Variants in RGS7 observed in about 807,000 individuals in gnomAD.
RGS7 encodes regulator of G protein signaling 7, also known as regulator of G-protein signaling 7.
A neutral mutation model predicts 81.1 loss-of-function variants in RGS7; 27 were observed. That is an observed-to-expected ratio of 0.33 (90% CI 0.25 to 0.46). The LOEUF (loss-of-function observed/expected upper bound fraction) is 0.46, where lower values mean the gene tolerates loss of function less well. RGS7 is among the 20% of genes least tolerant of loss of function. RGS7 has a pLI of 1.00. For missense variants in RGS7, 396 were observed against 607.4 expected, an observed-to-expected ratio of 0.65 and a Z score of 3.66; for synonymous variants, 208 against 207.7, an observed-to-expected ratio of 1.00 and a Z score of -0.01.
At chr1:241,252,889 T>A (rs192659300) in intron 2 of RGS7, among the ~76,000 whole-genome samples, 31 of 152,296 alleles carry the variant, frequency 2.0e-4, no homozygotes, top group Admixed American at 1.9e-3. Flanking sequence ...ACTGCCCCCC[T>A]TATCCTCGGA....
At chr1:240,969,899 C>T (rs1682927362) in intron 4 of RGS7, among the ~76,000 whole-genome samples, 1 of 152,234 alleles carries the variant, frequency 6.6e-6, no homozygotes, top group African/African-American at 2.4e-5. Flanking sequence ...TCAAATGTAT[C>T]TGGGTTTGAA....
chr1:241,175,068 AATTTTTTGT>A (rs1373680275), intron 2 of RGS7, among the ~76,000 whole-genome samples: 4 of 151,644 alleles, frequency 2.6e-5, no homozygotes, highest in South Asian at 4.2e-4. Context: ...ATGCTTGGCT[AATTTTTTGT>A]ATTTTTTGTA....
At chr1:241,089,063 C>CTCTCTCTCTCTCTCTA (rs1374552672) in intron 3 of RGS7, among the ~76,000 whole-genome samples, 1 of 23,686 alleles carries the variant, frequency 4.2e-5, no homozygotes, top group Non-Finnish European at 7.4e-5. Context: ...CTCTCTCTCT[C>CTCTCTCTCTCTCTCTA]TATATATATA....
intron 18 of RGS7, among the ~76,000 whole-genome samples, chr1:240,795,803 G>T (rs1686956852): frequency 6.6e-6 from 1 of 152,198 alleles, no homozygotes; most frequent in Admixed American, 6.5e-5. Flanking sequence ...TGTTTCAAAA[G>T]AATATTTAAA....
chr1:241,084,741 C>T (rs2493005), intron 3 of RGS7, among the ~76,000 whole-genome samples: 6,718 of 152,190 alleles, frequency 0.044, 480 homozygotes, highest in African/African-American at 0.15. Flanking sequence ...AATGAGACTC[C>T]GTGCCTTAAT....
chr1:240,838,132 C>T (rs139293424), intron 9 of RGS7, among the ~76,000 whole-genome samples: 9 of 152,254 alleles, frequency 5.9e-5, no homozygotes, highest in South Asian at 4.1e-4. Flanking sequence ...TTATTTCTCA[C>T]GGTTCTGGAG....
intron 2 of RGS7, among the ~76,000 whole-genome samples, chr1:241,263,401 G>A (rs10802940): frequency 0.27 from 41,165 of 151,950 alleles, 6,222 homozygotes; most frequent in Non-Finnish European, 0.33. Context: ...TGTAGTGCCC[G>A]GTTAGGAACT....
At chr1:240,876,639 G>GTGA (rs1444647922) in intron 6 of RGS7, among the ~76,000 whole-genome samples, 2 of 152,166 alleles carry the variant, frequency 1.3e-5, no homozygotes, top group Admixed American at 6.5e-5. Context: ...TGGAAAGGAC[G>GTGA]TGAGAGTGAG....
At chr1:241,175,845 G>A (rs1467842756) in intron 2 of RGS7, among the ~76,000 whole-genome samples, 3 of 152,186 alleles carry the variant, frequency 2.0e-5, no homozygotes, top group Admixed American at 1.3e-4. Context: ...ACATCAAGAC[G>A]GAATGTATGG....
intron 2 of RGS7, among the ~76,000 whole-genome samples, chr1:241,227,831 T>C (rs1242115174): frequency 6.6e-6 from 1 of 152,212 alleles, no homozygotes; most frequent in African/African-American, 2.4e-5. Flanking sequence ...GGACTCCTTA[T>C]CATGATTTTA....
At chr1:241,175,088 T>G (rs1379839292) in intron 2 of RGS7, among the ~76,000 whole-genome samples, 1 of 151,542 alleles carries the variant, frequency 6.6e-6, no homozygotes, top group Non-Finnish European at 1.5e-5. Context: ...ATTTTTTGTA[T>G]AGACAGGGTT....
chr1:241,024,402 C>G (rs968175653), intron 3 of RGS7, among the ~76,000 whole-genome samples: 2 of 152,160 alleles, frequency 1.3e-5, no homozygotes, highest in African/African-American at 4.8e-5. Flanking sequence ...TGCTATTTCC[C>G]TGCAGCTGAA....
rs142606015 is a variant in RGS7 at position 240,875,933 on chromosome 1, C to A, written c.386-5814G>T. On this transcript the variant is annotated intron_variant, in intron 6 of 18. Transcript: ENST00000440928. ...CACCAGGGTGATCTAGCTTGCCACT[C>A]TCTAGACTTGGCAAAAGTTTAAAGC... Among the ~76,000 whole-genome samples, 374 of 152,334 alleles carry A rather than the reference C, an allele frequency of 2.5e-3. 4 individuals are homozygous for A. Among genetic ancestry groups the A allele is most frequent in the African/African-American group, 8.3e-3 (345 of 41,584 alleles).
intron 6 of RGS7, among the ~76,000 whole-genome samples, chr1:240,893,573 A>G (rs184479353): frequency 1.4e-3 from 211 of 152,212 alleles, no homozygotes; most frequent in African/African-American, 4.1e-3. Context: ...CCTTATTAGA[A>G]AAATCTTCAT....
At chr1:241,063,790 G>A (rs2061877202) in intron 3 of RGS7, among the ~76,000 whole-genome samples, 1 of 151,876 alleles carries the variant, frequency 6.6e-6, no homozygotes, top group Admixed American at 6.6e-5. Flanking sequence ...ATATTATAAT[G>A]AATGAAATAA....
chr1:240,976,774 C>CATT, intron 4 of RGS7, among the ~76,000 whole-genome samples: 1 of 141,306 alleles, frequency 7.1e-6, no homozygotes, highest in East Asian at 2.3e-4. Flanking sequence ...TATCTATCAT[C>CATT]GATCTATCAT....
intron 2 of RGS7, among the ~76,000 whole-genome samples, chr1:241,315,029 A>G (rs1056299646): frequency 3.3e-5 from 5 of 151,566 alleles, no homozygotes; most frequent in African/African-American, 1.2e-4. Context: ...AGTAAGAAAA[A>G]GGATGGCATC....
intron 2 of RGS7, among the ~76,000 whole-genome samples, chr1:241,250,285 C>T (rs1262298261): frequency 1.3e-5 from 2 of 151,972 alleles, no homozygotes; most frequent in African/African-American, 4.8e-5. Context: ...AGAATTTTAT[C>T]GAGGGGGAGG....
At chr1:240,874,066 G>A (rs138726155) in intron 6 of RGS7, among the ~76,000 whole-genome samples, 3 of 152,094 alleles carry the variant, frequency 2.0e-5, no homozygotes, top group African/African-American at 4.8e-5. Context: ...TAATAGACTC[G>A]AAGGAGGTGG....
Sources: allele counts gnomAD v4.1 joint callset (sites outside exome capture counted in the v4.1 genomes callset), GRCh38; gene constraint gnomAD v4.1.1; transcripts MANE v1.5; gene names NCBI Gene and HGNC (gene_info 2026-07-23, HGNC 2026-07-21).